PHACTR1: variants seen among roughly 807,000 people sequenced by gnomAD.
PHACTR1 encodes the protein RPEL repeat containing 1.
Under a neutral mutation model 69.2 loss-of-function variants are expected in PHACTR1, and 16 were observed. That is an observed-to-expected ratio of 0.23 (90% CI 0.16 to 0.35). PHACTR1 has a LOEUF of 0.35. PHACTR1 is among the 10% of genes least tolerant of loss of function. The probability of loss-of-function intolerance (pLI) is 1.00; values close to 1 mark genes in which losing one functional copy is unlikely to be tolerated. For missense variants in PHACTR1, 510 were observed against 734.7 expected (o/e 0.69, Z 3.54); for synonymous variants, 312 against 284.5 (o/e 1.10, Z -0.97).
rs936969603 is a variant in PHACTR1 at position 12,717,230 on chromosome 6, G to A, written c.-281-279G>A. Among the ~76,000 whole-genome samples the A allele has an allele frequency of 7.2e-5, 11 of 152,050 alleles. 1 individual carries two copies. Among genetic ancestry groups the A allele is most frequent in the South Asian group, 6.3e-4 (3 of 4,800 alleles). On this transcript the variant is annotated intron_variant, in intron 1 of 14. Coordinates refer to ENST00000332995, the MANE Select transcript of PHACTR1 (RefSeq NM_030948.6). ...TTAGGCCAGCATTAGGGTAATAACTGGTGCCCCCACAAAAATTTCTAGACA... is the reference window on the plus strand; with the variant it reads ...TTAGGCCAGCATTAGGGTAATAACTAGTGCCCCCACAAAAATTTCTAGACA...
intron 4 of PHACTR1, among the ~76,000 whole-genome samples, chr6:12,886,925 G>T (rs1295561367): frequency 6.6e-6 from 1 of 152,126 alleles, no homozygotes; most frequent in East Asian, 1.9e-4. Flanking sequence ...AAAAAAGTTT[G>T]ATTCCAAGCA....
At chr6:13,253,766 C>A (rs1244976848) in intron 10 of PHACTR1, among the ~76,000 whole-genome samples, 2 of 152,226 alleles carry the variant, frequency 1.3e-5, no homozygotes, top group Non-Finnish European at 2.9e-5. Flanking sequence ...AGTCTCCTTT[C>A]CTGCGGGAGG....
At chr6:13,176,316 G>T (rs1335610438) in intron 6 of PHACTR1, among the ~76,000 whole-genome samples, 2 of 152,144 alleles carry the variant, frequency 1.3e-5, no homozygotes, top group African/African-American at 4.8e-5. Context: ...ATCCACATGT[G>T]CATACTGTCC....
chr6:13,247,370 A>T (rs1340755375), intron 10 of PHACTR1, among the ~76,000 whole-genome samples: 1 of 115,402 alleles, frequency 8.7e-6, no homozygotes, highest in Non-Finnish European at 1.6e-5. Context: ...TGTGTGACGG[A>T]GTTTCATTTT....
chr6:12,718,411 T>C (rs139243246), intron 2 of PHACTR1: 569 of 159,204 alleles, frequency 3.6e-3, no homozygotes, highest in Non-Finnish European at 4.6e-3. Flanking sequence ...ACAGTATATG[T>C]TCCAGAGAAT....
chr6:13,189,771 T>C (rs1763264988), intron 7 of PHACTR1, among the ~76,000 whole-genome samples: 1 of 152,170 alleles, frequency 6.6e-6, no homozygotes, highest in South Asian at 2.1e-4. Flanking sequence ...GCTTAAGAAG[T>C]TTGAAAATCG....
chr6:12,875,428 A>C (rs1782437361), intron 4 of PHACTR1, among the ~76,000 whole-genome samples: 1 of 152,198 alleles, frequency 6.6e-6, no homozygotes, highest in African/African-American at 2.4e-5. Context: ...TGAAAAGCAG[A>C]ATTAGGTGAA....
intron 3 of PHACTR1, among the ~76,000 whole-genome samples, chr6:12,742,477 C>A (rs1206401296): frequency 6.6e-6 from 1 of 152,232 alleles, no homozygotes; most frequent in South Asian, 2.1e-4. Context: ...GACTTCTTTA[C>A]CACAACCTGT....
intron 4 of PHACTR1, among the ~76,000 whole-genome samples, chr6:12,805,483 T>C (rs1173439476): frequency 6.6e-6 from 1 of 152,208 alleles, no homozygotes; most frequent in Non-Finnish European, 1.5e-5. Flanking sequence ...TACTTCCATC[T>C]CTGACGTCTG....
At chr6:12,820,652 C>A (rs187004660) in intron 4 of PHACTR1, among the ~76,000 whole-genome samples, 72 of 152,202 alleles carry the variant, frequency 4.7e-4, no homozygotes, top group Non-Finnish European at 2.5e-4. Flanking sequence ...GGTTACTCAA[C>A]CAGGAGATTT....
rs1035189845 is a variant in PHACTR1, at chr6:12,788,214, G to A, written c.250+38424G>A. On this transcript the variant is annotated intron_variant, in intron 4 of 14. Coordinates refer to ENST00000332995, the MANE Select transcript of PHACTR1 (RefSeq NM_030948.6). The stretch of plus-strand genomic sequence containing the variant: ...AGGAAACTGAGCACCACAGACCCAC[G>A]CTTCCCTCCCCAAGTTCCCTACCTC... 2.0e-5 allele frequency among the ~76,000 whole-genome samples: 3 copies of A among 149,178 alleles called. No individual in the cohort carries two copies. The South Asian group carries it at 6.3e-4, about 32-fold the overall frequency.
intron 5 of PHACTR1, 103 bp from the exon 6 acceptor site, chr6:13,160,101 C>A: frequency 1.0e-6 from 1 of 993,846 alleles, no homozygotes; most frequent in Non-Finnish European, 1.6e-6. Flanking sequence ...TTTACAGAAG[C>A]TTTCTCGTAT....
intron 4 of PHACTR1, among the ~76,000 whole-genome samples, chr6:12,791,872 G>A (rs1015885226): frequency 6.6e-6 from 1 of 152,186 alleles, no homozygotes; most frequent in African/African-American, 2.4e-5. Flanking sequence ...TTGCACCATA[G>A]TGGGGAAAGC....
intron 4 of PHACTR1, among the ~76,000 whole-genome samples, chr6:12,980,738 G>A (rs1795426208): frequency 6.6e-6 from 1 of 152,134 alleles, no homozygotes; most frequent in Non-Finnish European, 1.5e-5. Context: ...TCATTCTAGA[G>A]ACACTGGTGC....
intron 4 of PHACTR1, among the ~76,000 whole-genome samples, chr6:12,835,900 A>C (rs1778107035): frequency 6.6e-6 from 1 of 152,202 alleles, no homozygotes; most frequent in Admixed American, 6.5e-5. Context: ...AATTTCACAT[A>C]TACTAATTTC....
chr6:13,011,593 T>G (rs1193874522), intron 4 of PHACTR1, among the ~76,000 whole-genome samples: 1 of 152,230 alleles, frequency 6.6e-6, no homozygotes, highest in Non-Finnish European at 1.5e-5. Context: ...TACAGAGCCC[T>G]TTAGTATTCT....
chr6:12,878,296 G>A (rs1375935141), intron 4 of PHACTR1, among the ~76,000 whole-genome samples: 1 of 152,096 alleles, frequency 6.6e-6, no homozygotes, highest in African/African-American at 2.4e-5. Context: ...TAATATCTGT[G>A]GATTGAGAAT....
chr6:12,922,381 G>GTTTATTAATAAT (rs755286024), intron 4 of PHACTR1, among the ~76,000 whole-genome samples: 77 of 152,258 alleles, frequency 5.1e-4, no homozygotes, highest in Non-Finnish European at 9.1e-4. Context: ...TAATAATATT[G>GTTTATTAATAAT]GCTTTAGAGA....
chr6:13,278,191 C>A, intron 11 of PHACTR1, 77 bp from the exon 12 acceptor site: 1 of 1,387,240 alleles, frequency 7.2e-7, no homozygotes, highest in South Asian at 1.3e-5. Flanking sequence ...GGCCTAGAGC[C>A]TGCCAAGGTC....
Sources: allele counts gnomAD v4.1 joint callset (sites outside exome capture counted in the v4.1 genomes callset), GRCh38; gene constraint gnomAD v4.1.1; transcripts MANE v1.5; gene names NCBI Gene and HGNC (gene_info 2026-07-23, HGNC 2026-07-21).